The following CAMK1D variants were observed in gnomAD, a reference collection of about 807,000 sequenced individuals.
The protein encoded by CAMK1D is calcium/calmodulin dependent protein kinase ID.
CAMK1D carries 9 observed loss-of-function variants against 47.7 expected under a neutral mutation model. That is an observed-to-expected ratio of 0.19 (90% CI 0.11 to 0.33). The LOEUF is 0.33. Among genes scored for constraint, CAMK1D ranks in the 10% least tolerant of loss-of-function variants. The probability of loss-of-function intolerance (pLI) is 1.00; values close to 1 mark genes in which losing one functional copy is unlikely to be tolerated. For synonymous variants in CAMK1D, 184 were observed against 184.9 expected (o/e 0.99, Z 0.04); for missense variants, 291 against 488.7 (o/e 0.60, Z 3.81).
At chr10:12,823,272 G>A (rs371284762) in intron 8 of CAMK1D, among the ~76,000 whole-genome samples, 5 of 152,286 alleles carry the variant, frequency 3.3e-5, no homozygotes, top group East Asian at 3.9e-4. Context: ...AGCCCATAAC[G>A]TTGGTTTCTG....
At chr10:12,398,431 C>T (rs1259931138) in intron 1 of CAMK1D, among the ~76,000 whole-genome samples, 3 of 152,168 alleles carry the variant, frequency 2.0e-5, no homozygotes, top group Non-Finnish European at 4.4e-5. Context: ...TCACTGCAAC[C>T]GCTGCCTCCG....
At chr10:12,375,642 C>T (rs1413636349) in intron 1 of CAMK1D, among the ~76,000 whole-genome samples, 1 of 152,162 alleles carries the variant, frequency 6.6e-6, no homozygotes, top group African/African-American at 2.4e-5. Flanking sequence ...TTCTTCTGTC[C>T]TTCCATTTGT....
At chr10:12,550,904 G>A (rs184099725) in intron 1 of CAMK1D, among the ~76,000 whole-genome samples, 1 of 152,234 alleles carries the variant, frequency 6.6e-6, no homozygotes, top group Admixed American at 6.5e-5. Context: ...GCACTGAGTG[G>A]AAGTGAATTC....
chr10:12,389,135 T>C (rs896994572), intron 1 of CAMK1D, among the ~76,000 whole-genome samples: 1 of 152,186 alleles, frequency 6.6e-6, no homozygotes, highest in Admixed American at 6.5e-5. Flanking sequence ...TTATTTGGGT[T>C]TCTGGTGATT....
intron 6 of CAMK1D, among the ~76,000 whole-genome samples, chr10:12,801,289 C>CTGTG (rs1196713346): frequency 6.8e-6 from 1 of 146,408 alleles, no homozygotes; most frequent in African/African-American, 2.5e-5. Context: ...ATATTTCTGT[C>CTGTG]TGTGTGTGTA....
chr10:12,607,921 A>G (rs1282303679), intron 2 of CAMK1D, among the ~76,000 whole-genome samples: 1 of 152,126 alleles, frequency 6.6e-6, no homozygotes, highest in Non-Finnish European at 1.5e-5. Context: ...TGATCACATT[A>G]CTGCGCTCCA....
At chr10:12,567,609 T>C (rs768696371) in intron 2 of CAMK1D, among the ~76,000 whole-genome samples, 4 of 152,250 alleles carry the variant, frequency 2.6e-5, no homozygotes, top group Non-Finnish European at 5.9e-5. Context: ...CAGTGTTCTT[T>C]CTAATGAGTT....
chr10:12,521,664 A>AT (rs1406166597), intron 1 of CAMK1D, among the ~76,000 whole-genome samples: 1 of 152,100 alleles, frequency 6.6e-6, no homozygotes, highest in Non-Finnish European at 1.5e-5. Flanking sequence ...TGCTTGTTCT[A>AT]TTTGTTACCA....
intron 2 of CAMK1D, among the ~76,000 whole-genome samples, chr10:12,560,555 G>GAAAA: frequency 9.5e-6 from 1 of 105,632 alleles, no homozygotes; most frequent in African/African-American, 3.9e-5. Context: ...CTCTATCTCG[G>GAAAA]AAAAAAAAAA....
intron 1 of CAMK1D, among the ~76,000 whole-genome samples, chr10:12,376,246 C>T (rs1838178205): frequency 6.6e-6 from 1 of 151,022 alleles, no homozygotes; most frequent in African/African-American, 2.4e-5. Flanking sequence ...CAGGTACTTC[C>T]TTAGACACTC....
At chr10:12,570,015 TATGGTGA>T (rs1242179627) in intron 2 of CAMK1D, among the ~76,000 whole-genome samples, 1 of 151,384 alleles carries the variant, frequency 6.6e-6, no homozygotes, top group Admixed American at 6.6e-5. Flanking sequence ...GCCTGACCAA[TATGGTGA>T]AACCGCATCT....
At chr10:12,701,110 T>C (rs1014093927) in intron 3 of CAMK1D, among the ~76,000 whole-genome samples, 1 of 151,748 alleles carries the variant, frequency 6.6e-6, no homozygotes, top group Non-Finnish European at 1.5e-5. Context: ...GATTCTTCTT[T>C]TTTTTTTTTT....
chr10:12,409,357 A>C (rs1174996272), intron 1 of CAMK1D, among the ~76,000 whole-genome samples: 1 of 152,212 alleles, frequency 6.6e-6, no homozygotes, highest in Non-Finnish European at 1.5e-5. Flanking sequence ...TAAGTTACAC[A>C]TTGTGATAAC....
chr10:12,360,307 C>A (rs1430137555), intron 1 of CAMK1D, among the ~76,000 whole-genome samples: 1 of 152,264 alleles, frequency 6.6e-6, no homozygotes, highest in East Asian at 1.9e-4. Flanking sequence ...TTGCCTGCCT[C>A]CCCACACAAC....
intron 1 of CAMK1D, among the ~76,000 whole-genome samples, chr10:12,450,124 G>A (rs1401410372): frequency 6.6e-6 from 1 of 150,488 alleles, no homozygotes; most frequent in Non-Finnish European, 1.5e-5. Context: ...GGGAGGGAGG[G>A]TGGGGAGAGA....
chr10:12,574,464 G>A (rs1308096050), intron 2 of CAMK1D, among the ~76,000 whole-genome samples: 6 of 117,258 alleles, frequency 5.1e-5, no homozygotes, highest in Non-Finnish European at 1.0e-4. Context: ...ACCACGCCTA[G>A]CTAATTTTTT....
At chr10:12,540,343 A>C (rs1836126272) in intron 1 of CAMK1D, among the ~76,000 whole-genome samples, 1 of 152,232 alleles carries the variant, frequency 6.6e-6, no homozygotes, top group Non-Finnish European at 1.5e-5. Context: ...CCTTTAACAA[A>C]TGGCATGAAA....
At chr10:12,690,509 C>T (rs1053383651) in intron 3 of CAMK1D, among the ~76,000 whole-genome samples, 7 of 152,100 alleles carry the variant, frequency 4.6e-5, no homozygotes, top group African/African-American at 1.7e-4. Context: ...GGGTCAAGTG[C>T]CTGTGTAGTA....
chr10:12,778,212 G>A (rs3802569), intron 5 of CAMK1D, among the ~76,000 whole-genome samples: 36,402 of 152,092 alleles, frequency 0.24, 4,571 homozygotes, highest in East Asian at 0.46. Context: ...TAATTCTGCC[G>A]ACATGAAGCT....
Sources: allele counts gnomAD v4.1 joint callset (sites outside exome capture counted in the v4.1 genomes callset), GRCh38; gene constraint gnomAD v4.1.1; transcripts MANE v1.5; gene names NCBI Gene and HGNC (gene_info 2026-07-23, HGNC 2026-07-21).